CFHR4: variants seen among roughly 807,000 people sequenced by gnomAD.
CFHR4 encodes complement factor H-related protein 4.
In CFHR4, 64 loss-of-function variants were observed where a neutral mutation model predicts 69.3. The observed-to-expected ratio is 0.92, with a 90% CI of 0.76 to 1.14. The LOEUF (loss-of-function observed/expected upper bound fraction) is 1.14, where lower values mean the gene tolerates loss of function less well. CFHR4 is among the 50% of genes most tolerant of loss of function. The pLI is 0.00. For missense variants in CFHR4, 636 were observed against 684.9 expected (o/e 0.93, Z 0.80); for synonymous variants, 244 against 237.0 (o/e 1.03, Z -0.27).
chr1:196,912,716 T>C (rs2124970046), intron 6 of CFHR4, 24 bp from the exon 7 acceptor site: 1 of 1,552,910 alleles, frequency 6.4e-7, no homozygotes, highest in East Asian at 2.3e-5. Context: ...ATATTTACTT[T>C]TTTCTCTACT....
chr1:196,912,583 A>C lies in CFHR4; in HGVS notation c.998-157A>C, dbSNP rs896928042. On this transcript the variant is annotated intron_variant, in intron 6 of 9. Coordinates refer to ENST00000608469, the MANE Select transcript of CFHR4 (RefSeq NM_001201550.3). ...CCTTCAGAAATTCGTGGTTTCCTTT[A>C]AGAACACGGATGTCTAGGAAACTTC... Among the ~76,000 whole-genome samples, 16 of 151,424 alleles carry C rather than the reference A, an allele frequency of 1.1e-4. 1 individual carries two copies. Among genetic ancestry groups the C allele is most frequent in the African/African-American group, 3.4e-4 (14 of 40,990 alleles).
chr1:196,894,492 A>G (rs1350702158), intron 1 of CFHR4, among the ~76,000 whole-genome samples: 3 of 151,518 alleles, frequency 2.0e-5, no homozygotes, highest in African/African-American at 7.3e-5. Flanking sequence ...AGGCAAGTCT[A>G]GTGGTCTCAA....
chr1:196,911,698 C>A (rs1352846863), intron 6 of CFHR4, among the ~76,000 whole-genome samples: 1 of 151,538 alleles, frequency 6.6e-6, no homozygotes, highest in Non-Finnish European at 1.5e-5. Flanking sequence ...GTAAGAGCAA[C>A]TGTCCTCAAC....
rs187714200 is a variant in CFHR4, at chr1:196,911,943, T to C, written c.998-797T>C. ...ATTATGACAAATGCTATATTATAAATATGCATCATCTTTAACATGATTTTT... is the reference window on the plus strand; with the variant it reads ...ATTATGACAAATGCTATATTATAAACATGCATCATCTTTAACATGATTTTT... On this transcript the variant is annotated intron_variant, in intron 6 of 9. Coordinates refer to ENST00000608469, the MANE Select transcript of CFHR4 (RefSeq NM_001201550.3). Among the ~76,000 whole-genome samples, 502 of 151,508 alleles carry C rather than the reference T, an allele frequency of 3.3e-3. 19 individuals are homozygous for C. The highest frequency in any genetic ancestry group is 0.011 in the African/African-American group (469 of 41,162).
At position 196,907,430 on chromosome 1, in the gene CFHR4, A is replaced by G. The variant is rs757052959; in HGVS notation, c.731A>G (p.Tyr244Cys). The G allele has an allele frequency of 6.8e-6, 11 of 1,612,248 alleles. No individual in the cohort carries two copies. The South Asian group carries it at 7.7e-5, about 11-fold the overall frequency. Residue 244 changes from tyrosine (Y) to cysteine (C), a missense_variant, in exon 5 of 10, where the codon TAT becomes TGT. Tyr to Cys is a radical substitution (Grantham distance 194). Transcript: ENST00000608469. Reference sequence around the variant, plus strand: ...GTCGAGTACCAGTGCCAGTCCTACTATGAACTTCAGGGTTCTAAATATGTA... The same window carrying G: ...GTCGAGTACCAGTGCCAGTCCTACTGTGAACTTCAGGGTTCTAAATATGTA... ...SRVEYQCQSY[Y>C]ELQGSKYVTC...
chr1:196,909,450 T>C lies in CFHR4; in HGVS notation c.800-831T>C, dbSNP rs906860770. ...TGAAAAATATGTTTGGAGAAGTATG[T>C]AGTGCTCAAATAATATTTATTTTTG... On this transcript the variant is annotated intron_variant, in intron 5 of 9. Transcript: ENST00000608469. 2.8e-4 allele frequency among the ~76,000 whole-genome samples: 42 copies of C among 151,742 alleles called. 2 individuals carry two copies. Among genetic ancestry groups the C allele is most frequent in the African/African-American group, 9.9e-4 (41 of 41,250 alleles).
chr1:196,909,555 A>C (rs965344688), intron 5 of CFHR4, among the ~76,000 whole-genome samples: 4 of 151,554 alleles, frequency 2.6e-5, no homozygotes, highest in Non-Finnish European at 5.9e-5. Context: ...TATGTTAAGA[A>C]ATTTATTTAA....
chr1:196,894,739 C>G (rs1657199527), intron 1 of CFHR4, among the ~76,000 whole-genome samples: 1 of 151,452 alleles, frequency 6.6e-6, no homozygotes. Flanking sequence ...AAGACTCTCT[C>G]TGTGTCTTTG....
chr1:196,898,389 A>G (rs1657421505), intron 1 of CFHR4, among the ~76,000 whole-genome samples: 1 of 151,628 alleles, frequency 6.6e-6, no homozygotes, highest in South Asian at 2.1e-4. Context: ...GGGAGACAAT[A>G]AATTTCAATA....
chr1:196,910,151 A>C lies in CFHR4; in HGVS notation c.800-130A>C, dbSNP rs1439328414. On this transcript the variant is annotated intron_variant, in intron 5 of 9. Transcript: ENST00000608469. ...TGGGAGACAGAGCGAAATTTCATCT[A>C]AAAAAAAAAAAAAAGTAAAGAAAAA... The C allele has an allele frequency of 1.6e-3, 281 of 170,510 alleles. 6 individuals are homozygous for C. The highest frequency in any genetic ancestry group is 7.4e-3 in the African/African-American group (257 of 34,882). The allele number at this position is 170,510 out of a possible 1,614,324, so 10.6% of individuals were successfully genotyped here. A position where few individuals can be genotyped will look rare whatever the true frequency, so the allele number is the denominator to read the frequency against.
chr1:196,903,851 A>C (rs1236990755), intron 2 of CFHR4, among the ~76,000 whole-genome samples: 1 of 151,422 alleles, frequency 6.6e-6, no homozygotes, highest in Admixed American at 6.6e-5. Context: ...TCACTTGTAC[A>C]TCTCTCACAA....
At chr1:196,910,240 A>G in intron 5 of CFHR4, 41 bp from the exon 6 acceptor site, 2 of 1,182,980 alleles carry the variant, frequency 1.7e-6, no homozygotes, top group Non-Finnish European at 1.2e-6. Flanking sequence ...TGTCTGTTAC[A>G]GTGAAACATT....
At chr1:196,902,697 A>T in intron 2 of CFHR4, 82 bp downstream of exon 2, 6 of 1,070,352 alleles carry the variant, frequency 5.6e-6, no homozygotes, top group Non-Finnish European at 8.3e-6. Context: ...ATATTGTCTT[A>T]TATAACAGAA....
At chr1:196,899,021 G>A (rs1657454568) in intron 1 of CFHR4, among the ~76,000 whole-genome samples, 2 of 151,620 alleles carry the variant, frequency 1.3e-5, no homozygotes. Flanking sequence ...TTATTCTTCA[G>A]AAATGAGTCA....
chr1:196,907,143 TGTA>T (rs1288886065), intron 4 of CFHR4, 106 bp downstream of exon 4: 7 of 1,219,438 alleles, frequency 5.7e-6, no homozygotes, highest in Non-Finnish European at 8.1e-6. Flanking sequence ...TACATATACA[TGTA>T]GTCCTCATTT....
chr1:196,906,731 C>A, intron 3 of CFHR4, 130 bp from the exon 4 acceptor site: 1 of 913,982 alleles, frequency 1.1e-6, no homozygotes. Flanking sequence ...GATTGTCGGA[C>A]TATTTTTAAT....
chr1:196,911,370 A>G (rs1048428471), intron 6 of CFHR4, among the ~76,000 whole-genome samples: 2 of 151,550 alleles, frequency 1.3e-5, no homozygotes, highest in Non-Finnish European at 2.9e-5. Flanking sequence ...CAGTATTTAT[A>G]TTGAAATCAT....
At chr1:196,901,354 C>T (rs963323284) in intron 1 of CFHR4, among the ~76,000 whole-genome samples, 1 of 151,076 alleles carries the variant, frequency 6.6e-6, no homozygotes, top group Non-Finnish European at 1.5e-5. Context: ...AATGAAGATA[C>T]TTAAGAGATG....
rs1221014542 is a variant in CFHR4, at chr1:196,905,220, A to T, written c.369A>T (p.Thr123=). ...TQYNCKPGYA[T]AEGNSSGSIT... is the part of the protein sequence containing the mutation. ...ATAATTGTAAACCAGGATATGCAAC[A>T]GCAGAGGGAAATTCTTCAGGATCAA... The change falls in exon 3 of 10, where the codon ACA becomes ACT. Residue 123 remains threonine, a synonymous_variant. Transcript: ENST00000608469. The T allele has an allele frequency of 2.5e-6, 4 of 1,611,738 alleles. No individual in the cohort carries two copies. Among genetic ancestry groups the T allele is most frequent in the Non-Finnish European group, 3.4e-6 (4 of 1,178,986 alleles).
Sources: gnomAD v4.1 joint callset for allele counts (sites outside exome capture counted in the v4.1 genomes callset) on GRCh38, gnomAD v4.1.1 for gene constraint, MANE v1.5 for transcripts, NCBI Gene and HGNC (gene_info 2026-07-23, HGNC 2026-07-21) for gene names.